Variants in DPY19L4 observed in about 807,000 individuals in gnomAD.
The protein encoded by DPY19L4 is probable C-mannosyltransferase DPY19L4.
In DPY19L4, 97 loss-of-function variants were observed where a neutral mutation model predicts 102.8. The observed-to-expected ratio is 0.94, with a 90% CI of 0.80 to 1.12. DPY19L4 has a LOEUF of 1.12. DPY19L4 is among the 50% of genes most tolerant of loss of function. The probability of loss-of-function intolerance (pLI) is 0.00; values close to 1 mark genes in which losing one functional copy is unlikely to be tolerated. For missense variants in DPY19L4, 815 were observed against 850.4 expected, an observed-to-expected ratio of 0.96 and a Z score of 0.52; for synonymous variants, 252 against 283.1, an observed-to-expected ratio of 0.89 and a Z score of 1.10.
At chr8:94,783,514 T>C (rs1477917852) in intron 16 of DPY19L4, among the ~76,000 whole-genome samples, 156 bp from the exon 17 acceptor site, 1 of 152,234 alleles carries the variant, frequency 6.6e-6, no homozygotes, top group Non-Finnish European at 1.5e-5. Context: ...CCCAATTTTT[T>C]TGAATGAATC....
intron 13 of DPY19L4, among the ~76,000 whole-genome samples, chr8:94,771,880 T>A (rs1286769675): frequency 6.6e-6 from 1 of 152,136 alleles, no homozygotes; most frequent in Non-Finnish European, 1.5e-5. Context: ...ATTTACAAAA[T>A]ATATATATAG....
chr8:94,750,466 A>G (rs73267167), intron 6 of DPY19L4, among the ~76,000 whole-genome samples: 85 of 152,292 alleles, frequency 5.6e-4, no homozygotes, highest in African/African-American at 1.8e-3. Flanking sequence ...TATAATACTG[A>G]ATGTTTACTA....
chr8:94,774,623 G>T (rs984601445), intron 13 of DPY19L4, among the ~76,000 whole-genome samples: 7 of 149,582 alleles, frequency 4.7e-5, no homozygotes, highest in Non-Finnish European at 1.0e-4. Flanking sequence ...TGTTGCCCAG[G>T]CTAGAGTGCA....
At chr8:94,765,913 A>G in intron 10 of DPY19L4, 104 bp downstream of exon 10, 1 of 726,742 alleles carries the variant, frequency 1.4e-6, no homozygotes, top group South Asian at 2.0e-5. Context: ...TAGAGTTTGA[A>G]CAGTATAATT....
intron 14 of DPY19L4, among the ~76,000 whole-genome samples, chr8:94,779,321 CT>C (rs745357638): frequency 8.9e-4 from 126 of 141,968 alleles, no homozygotes; most frequent in African/African-American, 1.3e-3. Context: ...TTTCTTTTCT[CT>C]TTTTTTTTTT....
intron 6 of DPY19L4, among the ~76,000 whole-genome samples, chr8:94,753,529 A>G (rs1812034012): frequency 6.6e-6 from 1 of 152,190 alleles, no homozygotes. Context: ...GTTGTGCTAA[A>G]CAGAAAATGG....
chr8:94,770,328 T>C, intron 12 of DPY19L4, 124 bp from the exon 13 acceptor site: 1 of 1,050,720 alleles, frequency 9.5e-7, no homozygotes, highest in Admixed American at 3.2e-5. Flanking sequence ...AAAGATCACC[T>C]ATATTTTTTG....
chr8:94,739,523 A>G lies in DPY19L4; in HGVS notation c.454A>G (p.Thr152Ala). Residue 152 changes from threonine to alanine, a missense_variant, in exon 5 of 19, where the codon ACT becomes GCT. Coordinates refer to ENST00000414645, the MANE Select transcript of DPY19L4 (RefSeq NM_181787.3). The part of the protein sequence containing the change: ...ELIASILYQA[T>A]GSNEIIEPVY... The stretch of plus-strand genomic sequence containing the variant: ...TATTGCTAGCATTTTATATCAAGCC[A>G]CTGGTAGCAATGTATGTATTTTTCG... The G allele has an allele frequency of 6.2e-7, 1 of 1,603,174 alleles. No individual in the cohort carries two copies. Among genetic ancestry groups the G allele is most frequent in the Admixed American group, 1.8e-5 (1 of 56,624 alleles).
chr8:94,758,885 T>C (rs2130869251), intron 7 of DPY19L4, among the ~76,000 whole-genome samples: 1 of 152,084 alleles, frequency 6.6e-6, no homozygotes, highest in Non-Finnish European at 1.5e-5. Context: ...CAGATGCACG[T>C]CACCACACCC....
chr8:94,731,825 C>T (rs547442634), intron 2 of DPY19L4, among the ~76,000 whole-genome samples: 2 of 152,200 alleles, frequency 1.3e-5, no homozygotes, highest in South Asian at 2.1e-4. Flanking sequence ...GATCTCGGCT[C>T]GCTGCAAGCT....
intron 2 of DPY19L4, 117 bp from the exon 3 acceptor site, chr8:94,734,513 A>T (rs1811109070): frequency 1.9e-6 from 2 of 1,027,342 alleles, no homozygotes; most frequent in South Asian, 1.7e-5. Flanking sequence ...TTTTCTCACA[A>T]TTAGACTCGA....
At chr8:94,726,475 CA>C (rs760205503) in intron 2 of DPY19L4, 34 bp downstream of exon 2, 4 of 1,515,670 alleles carry the variant, frequency 2.6e-6, no homozygotes, top group Non-Finnish European at 3.6e-6. Flanking sequence ...TGTGCTACTA[CA>C]AAAATAGTTT....
At chr8:94,744,473 A>G (rs758481739) in intron 6 of DPY19L4, 2 of 456,738 alleles carry the variant, frequency 4.4e-6, no homozygotes, top group South Asian at 1.5e-5. Flanking sequence ...TCACTCTGCC[A>G]TATTTTGTCA....
chr8:94,731,978 A>T (rs1810978677), intron 2 of DPY19L4, among the ~76,000 whole-genome samples: 2 of 151,932 alleles, frequency 1.3e-5, no homozygotes, highest in Non-Finnish European at 2.9e-5. Flanking sequence ...TTGCTGTGTT[A>T]GCCAGGATGG....
chr8:94,765,300 G>A lies in DPY19L4; in HGVS notation c.988G>A (p.Ala330Thr). Residue 330 changes from alanine to threonine, a missense_variant, in exon 9 of 19, where the codon GCT becomes ACT. Coordinates refer to ENST00000414645, the MANE Select transcript of DPY19L4 (RefSeq NM_181787.3). Reference protein sequence around the residue: ...LLSLVAALMLAKCLQLNVKKG... With the variant: ...LLSLVAALMLTKCLQLNVKKG... ...AAGTTTAGTAGCAGCCTTAATGCTT[G>A]CTAAGTGCCTTCAGGTAACTAGAAT... 1 of 1,596,414 alleles carries A rather than the reference G, an allele frequency of 6.3e-7. No individual in the cohort carries two copies.
At chr8:94,749,436 A>G (rs1302309954) in intron 6 of DPY19L4, among the ~76,000 whole-genome samples, 2 of 152,228 alleles carry the variant, frequency 1.3e-5, no homozygotes, top group Non-Finnish European at 2.9e-5. Flanking sequence ...ACGAGAGCAC[A>G]CTGAACAAAG....
At chr8:94,772,267 T>G (rs1362075841) in intron 13 of DPY19L4, among the ~76,000 whole-genome samples, 1 of 152,200 alleles carries the variant, frequency 6.6e-6, no homozygotes, top group Non-Finnish European at 1.5e-5. Context: ...TCTAGGAATG[T>G]GTGCTTGGTC....
At chr8:94,744,350 T>G (rs950363417) in intron 6 of DPY19L4, 1 of 456,528 alleles carries the variant, frequency 2.2e-6, no homozygotes, top group Non-Finnish European at 4.4e-6. Flanking sequence ...TAGGGCAGCA[T>G]GCAACTTGGC....
chr8:94,731,676 A>G (rs917540627), intron 2 of DPY19L4, among the ~76,000 whole-genome samples: 3 of 152,174 alleles, frequency 2.0e-5, no homozygotes, highest in African/African-American at 7.2e-5. Context: ...TCAGTCTCCC[A>G]AAAAGCTGGG....
Sources: gnomAD v4.1 joint callset for allele counts (sites outside exome capture counted in the v4.1 genomes callset) on GRCh38, gnomAD v4.1.1 for gene constraint, MANE v1.5 for transcripts, NCBI Gene and HGNC (gene_info 2026-07-23, HGNC 2026-07-21) for gene names.